Variants in ACP6 observed in about 807,000 individuals in gnomAD.
ACP6 encodes lysophosphatidic acid phosphatase type 6.
In ACP6, 48 loss-of-function variants were observed where a neutral mutation model predicts 48.1. That is an observed-to-expected ratio of 1.00 (90% CI 0.79 to 1.27). The LOEUF is 1.27. ACP6 is among the 50% of genes most tolerant of loss of function. The pLI is 0.00. For missense variants in ACP6, 485 were observed against 529.1 expected (o/e 0.92, Z 0.82); for synonymous variants, 172 against 204.2 (o/e 0.84, Z 1.34).
At chr1:147,639,510 G>A (rs1659394008), downstream of ACP6, among the ~76,000 whole-genome samples, 2 of 152,140 alleles carry the variant, frequency 1.3e-5, no homozygotes, top group African/African-American at 2.4e-5. Context: ...ACTTACCCAA[G>A]TGTTATACAA....
chr1:147,648,486 C>G, intron 8 of ACP6, 75 bp from the exon 9 acceptor site: 1 of 1,539,306 alleles, frequency 6.5e-7, no homozygotes, highest in Non-Finnish European at 8.9e-7. Context: ...GCCTCCTTTA[C>G]GTAAGACACA....
intron 4 of ACP6, among the ~76,000 whole-genome samples, chr1:147,655,920 C>T (rs1409234993): frequency 2.0e-5 from 3 of 152,164 alleles, no homozygotes; most frequent in African/African-American, 4.8e-5. Context: ...CCTTCCCATG[C>T]TTTGCTCTGT....
chr1:147,655,243 T>C lies in ACP6; in HGVS notation c.565A>G (p.Ile189Val), dbSNP rs370703050. The change falls in exon 5 of 10, where the codon ATC becomes GTC. Residue 189 changes from isoleucine to valine, a missense_variant. Coordinates refer to ENST00000583509, the MANE Select transcript of ACP6 (RefSeq NM_016361.5). ...GLFQCQKEGP[I>V]IIHTDEADSE... ...TCTGCTTCATCAGTGTGGATGATGATGGGTCCTGGAAGAAAGGGAGGAAGC... is the reference window on the plus strand; with the variant it reads ...TCTGCTTCATCAGTGTGGATGATGACGGGTCCTGGAAGAAAGGGAGGAAGC... The C allele has an allele frequency of 4.6e-5, 73 of 1,603,168 alleles. No homozygotes were observed. In the East Asian group the frequency reaches 1.1e-3, roughly 25 times the overall value.
At chr1:147,652,638 C>T (rs781878272) in intron 6 of ACP6, 89 bp from the exon 7 acceptor site, 1 of 1,607,152 alleles carries the variant, frequency 6.2e-7, no homozygotes, top group South Asian at 1.1e-5. Context: ...CTGCAGGAGC[C>T]CATCTTCTCC....
At position 147,648,360 on chromosome 1, in the gene ACP6, C is replaced by T; in HGVS notation, c.1029G>A (p.Met343Ile). ...AHDVTFIPLL[M>I]TLGIFDHKWP... ...ATTTGTGGTCAAAAATCCCCAGGGT[C>T]ATTAAGAGCGGTATGAAGGTCACAT... is the stretch of plus-strand genomic sequence containing the variant. The change falls in exon 9 of 10, where the codon ATG (methionine) becomes ATA (isoleucine). Residue 343 changes from methionine (M) to isoleucine (I), a missense_variant. Transcript: ENST00000583509. The T allele has an allele frequency of 3.1e-6, 5 of 1,614,164 alleles. No homozygotes were observed. Among genetic ancestry groups the T allele is most frequent in the Non-Finnish European group, 4.2e-6 (5 of 1,180,022 alleles).
chr1:147,656,649 C>T, intron 4 of ACP6, among the ~76,000 whole-genome samples: 1 of 152,298 alleles, frequency 6.6e-6, no homozygotes, highest in East Asian at 1.9e-4. Context: ...GTCACTGAGC[C>T]TCTCTGTGTC....
intron 1 of ACP6, among the ~76,000 whole-genome samples, chr1:147,667,772 A>T (rs1660872667): frequency 6.6e-6 from 1 of 152,084 alleles, no homozygotes; most frequent in African/African-American, 2.4e-5. Flanking sequence ...CAGGCGGATC[A>T]TGAGATCAAG....
chr1:147,630,724 T>C (rs1317653181), exon 6 of ACP6: 1 of 152,240 alleles, frequency 6.6e-6, no homozygotes, highest in African/African-American at 2.4e-5. Flanking sequence ...ACTGAGTCAT[T>C]GTTATTGGGT....
intron 7 of ACP6, 40 bp downstream of exon 7, chr1:147,652,409 G>T: frequency 6.3e-7 from 1 of 1,575,684 alleles, no homozygotes; most frequent in South Asian, 1.2e-5. Flanking sequence ...TTGGATGTCT[G>T]ACCAAGCGTG....
chr1:147,664,854 C>T (rs1384980237), intron 1 of ACP6, among the ~76,000 whole-genome samples: 2 of 152,206 alleles, frequency 1.3e-5, no homozygotes, highest in African/African-American at 4.8e-5. Flanking sequence ...CAGACCTTCT[C>T]TTCTGGCTGG....
At chr1:147,649,927 A>G (rs1659830146) in intron 8 of ACP6, 1 of 524,506 alleles carries the variant, frequency 1.9e-6, no homozygotes. Flanking sequence ...AGAGAGAGAG[A>G]AAGCAAAAAT....
downstream of ACP6, among the ~76,000 whole-genome samples, chr1:147,639,490 A>C (rs1553208391): frequency 2.6e-5 from 4 of 152,098 alleles, no homozygotes; most frequent in African/African-American, 9.7e-5. Flanking sequence ...GTTTGACCCC[A>C]TCAAGTTCTA....
intron 7 of ACP6, chr1:147,652,170 C>T (rs1020768380): frequency 2.7e-6 from 1 of 377,116 alleles, no homozygotes; most frequent in African/African-American, 2.1e-5. Context: ...CACCCAAATC[C>T]TTTAAACCTT....
Position 147,649,276 on chromosome 1 carries a change from T to C in ACP6, c.978-865A>G, listed in dbSNP as rs115540586. Among the ~76,000 whole-genome samples, 713 of 152,260 alleles carry C rather than the reference T, an allele frequency of 4.7e-3. 8 individuals are homozygous for C. Among genetic ancestry groups the C allele is most frequent in the African/African-American group, 0.016 (683 of 41,536 alleles). On this transcript the variant is annotated intron_variant, in intron 8 of 9. Coordinates refer to ENST00000583509, the MANE Select transcript of ACP6 (RefSeq NM_016361.5). The stretch of plus-strand genomic sequence containing the variant: ...TCTTGTTAAACTGCAGATGCTGATT[T>C]AGTAGATCAGGCTGGAGCCTGAGAA...
rs782720686 is a variant in ACP6, at chr1:147,648,240, T to C, written c.1143+6A>G. ...CCACCACCCAACCCCACCTCAGGGGTATTACCTTCCCGTGGTAATAGAGCT... is the reference window on the plus strand; with the variant it reads ...CCACCACCCAACCCCACCTCAGGGGCATTACCTTCCCGTGGTAATAGAGCT... On this transcript the variant is annotated splice_donor_region_variant and intron_variant, in intron 9 of 9. Coordinates refer to ENST00000583509, the MANE Select transcript of ACP6 (RefSeq NM_016361.5). 1 of 1,613,892 alleles carries C rather than the reference T, an allele frequency of 6.2e-7. No individual in the cohort carries two copies. Among genetic ancestry groups the C allele is most frequent in the Non-Finnish European group, 8.5e-7 (1 of 1,179,898 alleles).
At position 147,669,848 on chromosome 1, in the gene ACP6, C is replaced by T. The variant is rs782323787; in HGVS notation, c.201G>A (p.Pro67=). 4 of 1,593,764 alleles carry T rather than the reference C, an allele frequency of 2.5e-6. No individual in the cohort carries two copies. The highest frequency in any genetic ancestry group is 2.3e-5 in the East Asian group (1 of 44,404). ...FRHGARSPLK[P]LPLEEQVEWN... ...CTCTCACCTGCTCCTCCAGCGGGAG[C>T]GGCTTGAGAGGACTCCGAGCCCCGT... The change falls in exon 1 of 10, where the codon CCG becomes CCA. Residue 67 remains proline (P), a synonymous_variant. Coordinates refer to ENST00000583509, the MANE Select transcript of ACP6 (RefSeq NM_016361.5).
At chr1:147,658,568 A>G (rs1570969323) in intron 4 of ACP6, among the ~76,000 whole-genome samples, 1 of 152,210 alleles carries the variant, frequency 6.6e-6, no homozygotes, top group African/African-American at 2.4e-5. Context: ...CATGCTGTGG[A>G]TTATCACCAA....
chr1:147,637,808 A>C (rs1316177882), downstream of ACP6, among the ~76,000 whole-genome samples: 1 of 152,220 alleles, frequency 6.6e-6, no homozygotes, highest in Non-Finnish European at 1.5e-5. Flanking sequence ...ATATCAGCAC[A>C]AACATATCTA....
Position 147,659,540 on chromosome 1 carries a change from G to A in ACP6, c.349-14C>T, listed in dbSNP as rs782261878. On this transcript the variant is annotated splice_polypyrimidine_tract_variant and intron_variant, in intron 2 of 9. Coordinates refer to ENST00000583509, the MANE Select transcript of ACP6 (RefSeq NM_016361.5). ...AAACATGCCCCCCTAAAGTAGGGAAGAAAGAGAAAGAAGAATGAAAACACC... is the reference window on the plus strand; with the variant it reads ...AAACATGCCCCCCTAAAGTAGGGAAAAAAGAGAAAGAAGAATGAAAACACC... The A allele has an allele frequency of 1.2e-6, 2 of 1,611,658 alleles. No individual in the cohort carries two copies. Among genetic ancestry groups the A allele is most frequent in the East Asian group, 4.5e-5 (2 of 44,890 alleles).
Sources: gnomAD v4.1 joint callset for allele counts (sites outside exome capture counted in the v4.1 genomes callset) on GRCh38, gnomAD v4.1.1 for gene constraint, MANE v1.5 for transcripts, NCBI Gene and HGNC (gene_info 2026-07-23, HGNC 2026-07-21) for gene names.